The following ZNF267 variants were observed in gnomAD, a reference collection of about 807,000 sequenced individuals.
ZNF267 encodes zinc finger (C2H2).
ZNF267 carries 61 observed loss-of-function variants against 71.6 expected under a neutral mutation model. The observed-to-expected ratio is 0.85, with a 90% CI of 0.69 to 1.05. ZNF267 has a LOEUF of 1.05. ZNF267 is among the 50% of genes least tolerant of loss of function. The pLI, the probability that ZNF267 is intolerant of heterozygous loss-of-function variation, is 0.00. For missense variants in ZNF267, 852 were observed against 870.0 expected (o/e 0.98, Z 0.26); for synonymous variants, 288 against 293.2 (o/e 0.98, Z 0.18).
At chr16:31,901,618 A>G (rs1261777829) in intron 3 of ZNF267, among the ~76,000 whole-genome samples, 1 of 151,988 alleles carries the variant, frequency 6.6e-6, no homozygotes, top group Non-Finnish European at 1.5e-5. Flanking sequence ...GTCTGTTCAT[A>G]TCCTTCACCC....
intron 1 of ZNF267, among the ~76,000 whole-genome samples, chr16:31,875,596 C>CCA (rs1332740563): frequency 1.3e-5 from 2 of 152,166 alleles, no homozygotes; most frequent in Non-Finnish European, 2.9e-5. Context: ...GGTGCAAACT[C>CCA]GGCTGCGGTG....
In ZNF267 at chr16:31,914,526, G is replaced by C. The variant is rs1391941000; in HGVS notation, c.277G>C (p.Ala93Pro). 5 of 1,613,892 alleles carry C rather than the reference G, an allele frequency of 3.1e-6. No individual in the cohort carries two copies. The South Asian group carries it at 5.5e-5, about 18-fold the overall frequency. Residue 93 changes from alanine (A) to proline (P), a missense_variant, in exon 4 of 4, where the codon GCT becomes CCT. Transcript: ENST00000300870. Reference sequence around the variant, plus strand: ...CCTGTTGACAGAGCACTGCACAGAAGCTTCATTCCAAAAAGTGATATCGAG... The same window carrying C: ...CCTGTTGACAGAGCACTGCACAGAACCTTCATTCCAAAAAGTGATATCGAG... The part of the protein sequence containing the change: ...KDLLTEHCTE[A>P]SFQKVISRRH...
intron 1 of ZNF267, among the ~76,000 whole-genome samples, chr16:31,876,694 T>C: frequency 6.6e-6 from 1 of 152,264 alleles, no homozygotes; most frequent in East Asian, 1.9e-4. Flanking sequence ...TTCACTTTCC[T>C]TTATTCTATA....
chr16:31,892,798 C>G (rs1049065333), intron 3 of ZNF267, among the ~76,000 whole-genome samples: 1 of 152,254 alleles, frequency 6.6e-6, no homozygotes, highest in Non-Finnish European at 1.5e-5. Context: ...GCTCTTACAG[C>G]CTTGGGCAGC....
rs577648594 is a variant in ZNF267 at position 31,876,828 on chromosome 16, C to T, written c.3+2859C>T. 3.9e-5 allele frequency among the ~76,000 whole-genome samples: 6 copies of T among 152,254 alleles called. No homozygotes were observed. The South Asian group carries it at 1.2e-3, about 32-fold the overall frequency. ...GAGTGCAAACTAACCTGGTCTTGAG[C>T]CTGCAAGAAGAGGTCACTGAAGCCC... On this transcript the variant is annotated intron_variant, in intron 1 of 3. Coordinates refer to ENST00000300870, the MANE Select transcript of ZNF267 (RefSeq NM_003414.6).
At chr16:31,902,348 G>A (rs1353008188) in intron 3 of ZNF267, among the ~76,000 whole-genome samples, 1 of 152,096 alleles carries the variant, frequency 6.6e-6, no homozygotes, top group Non-Finnish European at 1.5e-5. Context: ...TTGGTAGCTT[G>A]ATGGGGATGG....
At chr16:31,897,454 A>G (rs1050185042) in intron 3 of ZNF267, among the ~76,000 whole-genome samples, 13 of 152,094 alleles carry the variant, frequency 8.5e-5, no homozygotes, top group African/African-American at 3.1e-4. Context: ...TAATCTTTAC[A>G]TCATCTATAA....
In ZNF267 at chr16:31,916,850, A is replaced by G. The variant is rs1346817911; in HGVS notation, c.*369A>G. ...AAGTATTTAATAAAAAATGAAGTCTAAATGTGTCAGAGAATTTATGTGAGA... is the reference window on the plus strand; with the variant it reads ...AAGTATTTAATAAAAAATGAAGTCTGAATGTGTCAGAGAATTTATGTGAGA... On this transcript the variant is annotated 3_prime_UTR_variant, in exon 4 of 4. Coordinates refer to ENST00000300870, the MANE Select transcript of ZNF267 (RefSeq NM_003414.6). 1 of 182,394 alleles carries G rather than the reference A, an allele frequency of 5.5e-6. No individual in the cohort carries two copies. The highest frequency in any genetic ancestry group is 1.2e-5 in the Non-Finnish European group (1 of 86,058). The allele number at this position is 182,394 out of a possible 1,614,324, so 11.3% of individuals were successfully genotyped here.
intron 3 of ZNF267, among the ~76,000 whole-genome samples, chr16:31,901,070 G>T (rs2084037276): frequency 6.6e-6 from 1 of 152,044 alleles, no homozygotes; most frequent in Non-Finnish European, 1.5e-5. Flanking sequence ...TTGTCCTTGG[G>T]ATGGTTTGCT....
At chr16:31,909,739 A>G (rs2084121514) in intron 3 of ZNF267, among the ~76,000 whole-genome samples, 1 of 152,124 alleles carries the variant, frequency 6.6e-6, no homozygotes, top group Non-Finnish European at 1.5e-5. Flanking sequence ...TCCAATTTGG[A>G]TGCCATTTAG....
intron 3 of ZNF267, among the ~76,000 whole-genome samples, chr16:31,890,652 CTTGGAAGGCAAAGAAAACGACA>C (rs1289507778): frequency 5.9e-5 from 9 of 152,316 alleles, no homozygotes; most frequent in Middle Eastern, 3.4e-3. Flanking sequence ...ATTCCAGGAG[CTTGGAAGGCAAAGAAAACGACA>C]TTGTTATCTG....
Position 31,915,993 on chromosome 16 carries a change from A to G in ZNF267, c.1744A>G (p.Ser582Gly), listed in dbSNP as rs773566201. 31 of 1,612,394 alleles carry G rather than the reference A, an allele frequency of 1.9e-5. No individual in the cohort carries two copies. Among genetic ancestry groups the G allele is most frequent in the African/African-American group, 4.0e-5 (3 of 74,800 alleles). Residue 582 changes from serine (S) to glycine (G), a missense_variant, in exon 4 of 4, where the codon AGC becomes GGC. Transcript: ENST00000300870. ...GEKPYKCKAC[S>G]KSFSDSSGLT... ...AAAACCATACAAATGTAAAGCATGT[A>G]GCAAATCTTTTAGTGACTCCTCAGG...
intron 3 of ZNF267, among the ~76,000 whole-genome samples, chr16:31,888,062 T>G (rs1294065548): frequency 6.6e-6 from 1 of 152,080 alleles, no homozygotes; most frequent in East Asian, 1.9e-4. Context: ...TTTTATAGAT[T>G]TTACTGGACA....
intron 3 of ZNF267, among the ~76,000 whole-genome samples, chr16:31,897,482 G>A (rs2084008478): frequency 6.6e-6 from 1 of 152,060 alleles, no homozygotes; most frequent in Admixed American, 6.6e-5. Context: ...CTGTCTTTGA[G>A]TACCACACTG....
chr16:31,907,574 G>A (rs1246613059), intron 3 of ZNF267, among the ~76,000 whole-genome samples: 1 of 152,170 alleles, frequency 6.6e-6, no homozygotes, highest in African/African-American at 2.4e-5. Context: ...TTTTAGTTTA[G>A]TTGTGTTCTC....
Position 31,915,994 on chromosome 16 carries a change from G to C in ZNF267, c.1745G>C (p.Ser582Thr). 1 of 1,612,540 alleles carries C rather than the reference G, an allele frequency of 6.2e-7. No homozygotes were observed. The highest frequency in any genetic ancestry group is 1.1e-5 in the South Asian group (1 of 91,078). Residue 582 changes from serine to threonine, a missense_variant, in exon 4 of 4, where the codon AGC (serine) becomes ACC (threonine). Physicochemically the swap from Ser to Thr is moderately conservative, Grantham distance 58 (BLOSUM62 1). Coordinates refer to ENST00000300870, the MANE Select transcript of ZNF267 (RefSeq NM_003414.6). ...GEKPYKCKAC[S>T]KSFSDSSGLT... ...AAACCATACAAATGTAAAGCATGTA[G>C]CAAATCTTTTAGTGACTCCTCAGGT...
intron 3 of ZNF267, among the ~76,000 whole-genome samples, chr16:31,895,516 ATGTT>A (rs2083992081): frequency 1.3e-5 from 2 of 152,134 alleles, no homozygotes; most frequent in South Asian, 4.1e-4. Flanking sequence ...TGGTACCTCT[ATGTT>A]TGATGATTTT....
In ZNF267 at chr16:31,915,900, A is replaced by G. The variant is rs772346336; in HGVS notation, c.1651A>G (p.Lys551Glu). Residue 551 changes from lysine to glutamate, a missense_variant, in exon 4 of 4, where the codon AAA becomes GAA. Physicochemically the swap from Lys to Glu is moderately conservative, Grantham distance 56. Transcript: ENST00000300870. ...TACTGGAGAGAAACCCTATAAATGT[A>G]AAGAATGTGGCAAAGCCTTTCCTTA... is the stretch of plus-strand genomic sequence containing the variant. ...IHTGEKPYKCKECGKAFPYSS... is the reference protein window; with the variant it reads ...IHTGEKPYKCEECGKAFPYSS... The G allele has an allele frequency of 4.2e-5, 67 of 1,613,736 alleles. No homozygotes were observed. Among genetic ancestry groups the G allele is most frequent in the Middle Eastern group, 1.6e-4 (1 of 6,082 alleles).
chr16:31,912,157 G>A (rs1350182386), intron 3 of ZNF267: 1 of 151,588 alleles, frequency 6.6e-6, no homozygotes, highest in East Asian at 1.9e-4. Context: ...ACCTTCAGAT[G>A]ACTTCTTATT....
Sources: gnomAD v4.1 joint callset for allele counts (sites outside exome capture counted in the v4.1 genomes callset) on GRCh38, gnomAD v4.1.1 for gene constraint, MANE v1.5 for transcripts, NCBI Gene and HGNC (gene_info 2026-07-23, HGNC 2026-07-21) for gene names.